Variants in GSE1 observed in about 807,000 individuals in gnomAD.
The protein encoded by GSE1 is Gse1 coiled-coil protein.
Under a neutral mutation model 112.6 loss-of-function variants are expected in GSE1, and 32 were observed. That is an observed-to-expected ratio of 0.28 (90% confidence interval 0.21 to 0.38). GSE1 has a LOEUF of 0.38. Ranked by LOEUF, GSE1 falls within the 10% of genes least tolerant of loss-of-function variation. The probability of loss-of-function intolerance (pLI) is 1.00; values close to 1 mark genes in which losing one functional copy is unlikely to be tolerated. For synonymous variants in GSE1, 1,115 were observed against 735.6 expected (o/e 1.52, Z -8.35); for missense variants, 2,348 against 1,699.2 (o/e 1.38, Z -6.71).
chr16:85,661,265 C>G lies in GSE1; in HGVS notation c.1760C>G (p.Pro587Arg). 1 of 1,612,968 alleles carries G rather than the reference C, an allele frequency of 6.2e-7. No individual in the cohort carries two copies. Among genetic ancestry groups the G allele is most frequent in the Non-Finnish European group, 8.5e-7 (1 of 1,179,990 alleles). ...GCTGCACCCACGGCCCTCTGGAACC[C>G]CGTGTCCCTGATGGACAACACCTTG... ...LHAAPTALWN[P>R]VSLMDNTLET... is the part of the protein sequence containing the mutation. Residue 587 changes from proline (P) to arginine (R), a missense_variant, in exon 9 of 16, where the codon CCC (proline) becomes CGC (arginine). Pro to Arg is a moderately radical substitution (Grantham distance 103). Transcript: ENST00000253458.
intron 15 of GSE1, among the ~76,000 whole-genome samples, 159 bp downstream of exon 15, chr16:85,671,257 G>A (rs946629597): frequency 6.6e-6 from 1 of 151,766 alleles, no homozygotes; most frequent in Non-Finnish European, 1.5e-5. Context: ...CGGCTAAAAC[G>A]GTGAAACCCT....
Position 85,350,744 on chromosome 16 carries a change from C to T in GSE1, c.2284-6719C>T, listed in dbSNP as rs570393147. On this transcript the variant is annotated intron_variant, in intron 1 of 2. Coordinates refer to the GSE1 transcript ENST00000637419. ...GCAGAAGAGTTCGTTGAATTTCCTCCGTCATTCCTCTTGGAGGTAGGCACT... is the reference window on the plus strand; with the variant it reads ...GCAGAAGAGTTCGTTGAATTTCCTCTGTCATTCCTCTTGGAGGTAGGCACT... 1.1e-4 allele frequency among the ~76,000 whole-genome samples: 16 copies of T among 152,296 alleles called. 1 individual carries two copies. The highest frequency in any genetic ancestry group is 1.0e-3 in the South Asian group (5 of 4,826).
chr16:85,496,264 G>A (rs1367543724), intron 2 of GSE1, among the ~76,000 whole-genome samples: 1 of 152,242 alleles, frequency 6.6e-6, no homozygotes, highest in Admixed American at 6.5e-5. Context: ...GCCGTCGTCA[G>A]GGATGAGCGA....
At chr16:85,495,613 C>G (rs76113042) in intron 2 of GSE1, among the ~76,000 whole-genome samples, 8,095 of 152,056 alleles carry the variant, frequency 0.053, 529 homozygotes, top group East Asian at 0.37. Context: ...TCTTACGCCT[C>G]TCAATAAGCT....
chr16:85,255,715 C>CTTT (rs1204170372), intron 1 of GSE1, among the ~76,000 whole-genome samples: 2 of 147,090 alleles, frequency 1.4e-5, no homozygotes, highest in African/African-American at 5.0e-5. Flanking sequence ...TCAGTGCCTA[C>CTTT]TTTTCTTTCT....
intron 2 of GSE1, among the ~76,000 whole-genome samples, chr16:85,475,865 C>T (rs2050437637): frequency 6.6e-6 from 1 of 150,768 alleles, no homozygotes; most frequent in African/African-American, 2.4e-5. Context: ...CTCAAGTGAT[C>T]GTTCCACCTC....
chr16:85,571,003 C>G (rs2045958772), intron 1 of GSE1, among the ~76,000 whole-genome samples: 1 of 152,166 alleles, frequency 6.6e-6, no homozygotes, highest in African/African-American at 2.4e-5. Flanking sequence ...GCGTTGGTTA[C>G]TTTTGAAAAG....
intron 1 of GSE1, among the ~76,000 whole-genome samples, chr16:85,604,742 CAAAAAAAAAAAAAA>C (rs36152099): frequency 3.3e-3 from 2 of 608 alleles, no homozygotes; most frequent in African/African-American, 5.7e-3. Flanking sequence ...GAGATTCTGT[CAAAAAAAAAAAAAA>C]AAAAAAAAAA....
Position 85,655,928 on chromosome 16 carries a change from C to G in GSE1, c.989+11C>G. ...CCTCAGCGCGGAGAGGTAAGTGCGT[C>G]TCGAGCCGAGGAGCCCCTCTGCCCT... On this transcript the variant is annotated intron_variant, in intron 6 of 15. Transcript: ENST00000253458. 1 of 1,592,310 alleles carries G rather than the reference C, an allele frequency of 6.3e-7. No individual in the cohort carries two copies. The highest frequency in any genetic ancestry group is 8.5e-7 in the Non-Finnish European group (1 of 1,175,060).
intron 2 of GSE1, among the ~76,000 whole-genome samples, chr16:85,389,347 C>G (rs1013347250): frequency 1.3e-5 from 2 of 151,972 alleles, no homozygotes; most frequent in African/African-American, 4.8e-5. Flanking sequence ...GTAATCCCAG[C>G]CACTCGGGAG....
At chr16:85,329,371 CAT>C (rs1043788272) in intron 1 of GSE1, among the ~76,000 whole-genome samples, 2 of 152,128 alleles carry the variant, frequency 1.3e-5, no homozygotes, top group Non-Finnish European at 2.9e-5. Context: ...GTGGGGAAGA[CAT>C]AGGGCGGGTG....
intron 1 of GSE1, among the ~76,000 whole-genome samples, chr16:85,256,283 A>C (rs1214659585): frequency 2.0e-5 from 3 of 152,212 alleles, no homozygotes; most frequent in Admixed American, 6.5e-5. Flanking sequence ...AATAATAATA[A>C]TGACAACAGC....
chr16:85,206,448 A>C (rs1395805142), intron 1 of GSE1, among the ~76,000 whole-genome samples: 1 of 152,162 alleles, frequency 6.6e-6, no homozygotes, highest in African/African-American at 2.4e-5. Flanking sequence ...AGCCAGGAGC[A>C]GAGTGAGAGT....
At chr16:85,216,586 C>T (rs1015386476) in intron 1 of GSE1, among the ~76,000 whole-genome samples, 3 of 152,238 alleles carry the variant, frequency 2.0e-5, no homozygotes, top group Admixed American at 1.3e-4. Context: ...ACCTTCACTT[C>T]ATACCCAGGA....
chr16:85,557,021 C>T (rs1036686776), intron 1 of GSE1, among the ~76,000 whole-genome samples: 1 of 151,998 alleles, frequency 6.6e-6, no homozygotes, highest in Non-Finnish European at 1.5e-5. Flanking sequence ...CGCTTTCAGC[C>T]TGGAGGGGAG....
rs749487820 is a variant in GSE1 at position 85,654,948 on chromosome 16, C to T, written c.754C>T (p.Pro252Ser). 6.2e-6 allele frequency: 10 copies of T among 1,609,726 alleles called. No homozygotes were observed. The South Asian group carries it at 9.9e-5, about 16-fold the overall frequency. The change falls in exon 5 of 16, where the codon CCC becomes TCC. Residue 252 changes from proline (P) to serine (S), a missense_variant. By Grantham distance (74) the Pro-to-Ser change is moderately conservative. Transcript: ENST00000253458. ...DPATAAAYYH[P>S]SYLAPHPFPH... ...GGCCACTGCTGCAGCCTACTACCAC[C>T]CCAGCTACCTGGCCCCACACCCCTT...
chr16:85,291,077 C>G (rs954161393), intron 1 of GSE1, among the ~76,000 whole-genome samples: 8 of 152,254 alleles, frequency 5.3e-5, no homozygotes, highest in African/African-American at 1.9e-4. Context: ...TGACATCCAG[C>G]ATTTCATGGA....
At chr16:85,500,356 A>G (rs896422274) in intron 2 of GSE1, among the ~76,000 whole-genome samples, 3 of 152,320 alleles carry the variant, frequency 2.0e-5, no homozygotes, top group South Asian at 2.1e-4. Context: ...ATAGGTTTCA[A>G]TCAATTACGT....
At chr16:85,278,125 GA>G (rs1909554186) in intron 1 of GSE1, among the ~76,000 whole-genome samples, 1 of 152,262 alleles carries the variant, frequency 6.6e-6, no homozygotes, top group Admixed American at 6.5e-5. Context: ...AGATGGAGGA[GA>G]GGGGTCCATG....
Sources: allele counts gnomAD v4.1 joint callset (sites outside exome capture counted in the v4.1 genomes callset), GRCh38; gene constraint gnomAD v4.1.1; transcripts MANE v1.5; gene names NCBI Gene and HGNC (gene_info 2026-07-23, HGNC 2026-07-21).